EPHB1: variants seen among roughly 807,000 people sequenced by gnomAD.
EPHB1 encodes the protein EPH receptor B1.
Under a neutral mutation model 94.4 loss-of-function variants are expected in EPHB1, and 30 were observed. The ratio of observed to expected loss-of-function variants is 0.32; its 90% confidence interval spans 0.24 to 0.43. The LOEUF is 0.43. EPHB1 is among the 20% of genes least tolerant of loss of function. The pLI, the probability that EPHB1 is intolerant of heterozygous loss-of-function variation, is 1.00. For synonymous variants in EPHB1, 522 were observed against 489.1 expected (o/e 1.07, Z -0.89); for missense variants, 1,055 against 1,308.3 (o/e 0.81, Z 2.99).
intron 5 of EPHB1, among the ~76,000 whole-genome samples, chr3:135,146,500 T>C (rs1040674171): frequency 3.3e-5 from 5 of 152,168 alleles, no homozygotes; most frequent in Admixed American, 2.6e-4. Context: ...ACACATTAGA[T>C]GGGAAGGCTA....
chr3:135,161,556 G>C (rs1941507495), intron 6 of EPHB1, among the ~76,000 whole-genome samples: 1 of 152,150 alleles, frequency 6.6e-6, no homozygotes, highest in Admixed American at 6.5e-5. Context: ...AGTGTCTAGG[G>C]AGATCTGAGT....
chr3:134,998,185 C>T (rs1322718081), intron 3 of EPHB1, among the ~76,000 whole-genome samples: 1 of 152,194 alleles, frequency 6.6e-6, no homozygotes, highest in East Asian at 1.9e-4. Context: ...CAGTTTCCTG[C>T]ATGCACCACT....
chr3:135,106,906 A>G (rs1939240451), intron 4 of EPHB1, among the ~76,000 whole-genome samples: 1 of 152,188 alleles, frequency 6.6e-6, no homozygotes, highest in African/African-American at 2.4e-5. Context: ...CTTTGGATGC[A>G]AAATCATGAT....
intron 1 of EPHB1, among the ~76,000 whole-genome samples, chr3:134,826,887 C>A (rs1560251406): frequency 6.6e-6 from 1 of 152,184 alleles, no homozygotes; most frequent in Non-Finnish European, 1.5e-5. Flanking sequence ...GATGCTTCAG[C>A]TCTCTTCTCT....
At chr3:134,958,452 G>GTGTGTGTGTGTGT (rs1553715108) in intron 3 of EPHB1, among the ~76,000 whole-genome samples, 1 of 150,124 alleles carries the variant, frequency 6.7e-6, no homozygotes, top group East Asian at 1.9e-4. Context: ...GTGTGTGTGA[G>GTGTGTGTGTGTGT]GCCTCAGTGC....
chr3:134,897,351 G>A (rs546333281), intron 1 of EPHB1, among the ~76,000 whole-genome samples: 1 of 152,228 alleles, frequency 6.6e-6, no homozygotes, highest in East Asian at 1.9e-4. Context: ...GGAGGGTGGG[G>A]AAAGGAGCAA....
intron 10 of EPHB1, among the ~76,000 whole-genome samples, chr3:135,185,721 C>T (rs1559866529): frequency 2.0e-5 from 3 of 152,130 alleles, no homozygotes; most frequent in Admixed American, 6.5e-5. Flanking sequence ...AGGGCTGTTG[C>T]GTATAGTTAC....
At chr3:135,054,401 A>G (rs900620523) in intron 3 of EPHB1, among the ~76,000 whole-genome samples, 1 of 151,906 alleles carries the variant, frequency 6.6e-6, no homozygotes, top group Non-Finnish European at 1.5e-5. Context: ...ATCCAGCTGT[A>G]TTTTTCAGGA....
At chr3:134,883,715 G>A (rs1252081790) in intron 1 of EPHB1, among the ~76,000 whole-genome samples, 1 of 152,142 alleles carries the variant, frequency 6.6e-6, no homozygotes, top group African/African-American at 2.4e-5. Flanking sequence ...GGTAAACAAG[G>A]GGATCACTTC....
chr3:135,065,646 G>C (rs752900308), intron 3 of EPHB1, among the ~76,000 whole-genome samples: 3 of 152,146 alleles, frequency 2.0e-5, no homozygotes, highest in African/African-American at 7.2e-5. Context: ...CCATTCTGCA[G>C]TTCTGTATCT....
chr3:134,959,375 C>G (rs1933412788), intron 3 of EPHB1, among the ~76,000 whole-genome samples: 1 of 152,162 alleles, frequency 6.6e-6, no homozygotes, highest in Non-Finnish European at 1.5e-5. Context: ...GATTAGAACT[C>G]AGGTCTAGGG....
chr3:135,097,675 A>C (rs564186351), intron 3 of EPHB1, among the ~76,000 whole-genome samples: 23 of 152,308 alleles, frequency 1.5e-4, no homozygotes, highest in Admixed American at 7.8e-4. Context: ...GCATTCATCA[A>C]CTTCAGCAAG....
intron 10 of EPHB1, among the ~76,000 whole-genome samples, chr3:135,184,584 G>A (rs750067110): frequency 5.9e-5 from 9 of 152,136 alleles, no homozygotes; most frequent in East Asian, 3.8e-4. Context: ...TGTATATGGC[G>A]AATGAAAGTA....
intron 3 of EPHB1, among the ~76,000 whole-genome samples, chr3:135,005,971 C>A (rs1935394920): frequency 6.6e-6 from 1 of 152,222 alleles, no homozygotes; most frequent in South Asian, 2.1e-4. Flanking sequence ...ATTCGGCCAT[C>A]TTGGCTCCTC....
intron 3 of EPHB1, among the ~76,000 whole-genome samples, chr3:134,982,237 T>G (rs538801524): frequency 9.7e-4 from 148 of 152,250 alleles, no homozygotes; most frequent in Non-Finnish European, 1.5e-3. Flanking sequence ...AGTTGTACTG[T>G]GAGGGCTTAG....
chr3:134,897,368 G>A (rs2038107643), intron 1 of EPHB1, among the ~76,000 whole-genome samples: 2 of 152,154 alleles, frequency 1.3e-5, no homozygotes, highest in South Asian at 4.1e-4. Context: ...GCAACTGCTG[G>A]TGGGCAAAGA....
chr3:135,238,053 A>AATTATGTCAATAATTGATATTGATATTG (rs1194669200), intron 12 of EPHB1, among the ~76,000 whole-genome samples: 10 of 152,240 alleles, frequency 6.6e-5, no homozygotes, highest in African/African-American at 2.4e-4. Flanking sequence ...TGATGATATT[A>AATTATGTCAATAATTGATATTGATATTG]ATTATGTCAA....
At chr3:134,899,654 GTTTGTTTGTTTTGT>G (rs2038159830) in intron 1 of EPHB1, among the ~76,000 whole-genome samples, 1 of 151,860 alleles carries the variant, frequency 6.6e-6, no homozygotes, top group South Asian at 2.1e-4. Flanking sequence ...TTCTGTTTTT[GTTTGTTTGTTTTGT>G]TTTGTTTTGT....
At chr3:135,131,574 G>C (rs1301234041) in intron 4 of EPHB1, among the ~76,000 whole-genome samples, 2 of 152,144 alleles carry the variant, frequency 1.3e-5, no homozygotes, top group East Asian at 1.9e-4. Flanking sequence ...CAAGGCTCAG[G>C]CTTGGGAACC....
Sources: allele counts gnomAD v4.1 joint callset (sites outside exome capture counted in the v4.1 genomes callset), GRCh38; gene constraint gnomAD v4.1.1; transcripts MANE v1.5; gene names NCBI Gene and HGNC (gene_info 2026-07-23, HGNC 2026-07-21).